EVI5: variants seen among roughly 807,000 people sequenced by gnomAD.
EVI5 encodes the protein ecotropic viral integration site 5, also known as ecotropic viral integration site 5 protein homolog.
In EVI5, 73 loss-of-function variants were observed where a neutral mutation model predicts 112.0. The observed-to-expected ratio is 0.65, with a 90% CI of 0.54 to 0.79. The LOEUF (loss-of-function observed/expected upper bound fraction) is 0.79, where lower values mean the gene tolerates loss of function less well. Among genes scored for constraint, EVI5 ranks in the 30% least tolerant of loss-of-function variants. The pLI, the probability that EVI5 is intolerant of heterozygous loss-of-function variation, is 0.00. For synonymous variants in EVI5, 305 were observed against 319.9 expected, an observed-to-expected ratio of 0.95 and a Z score of 0.50; for missense variants, 900 against 968.8, an observed-to-expected ratio of 0.93 and a Z score of 0.94.
At chr1:92,775,783 A>T (rs1164605913) in intron 1 of EVI5, among the ~76,000 whole-genome samples, 3 of 152,208 alleles carry the variant, frequency 2.0e-5, no homozygotes, top group Non-Finnish European at 4.4e-5. Flanking sequence ...GCAGTTGAGA[A>T]GCAGGCTTCT....
At chr1:92,751,097 C>T (rs1292208896) in intron 1 of EVI5, among the ~76,000 whole-genome samples, 2 of 152,144 alleles carry the variant, frequency 1.3e-5, no homozygotes, top group Non-Finnish European at 2.9e-5. Flanking sequence ...TGGCAATGAG[C>T]CAAGATCGCA....
At chr1:92,659,736 G>A (rs2102143839) in intron 13 of EVI5, among the ~76,000 whole-genome samples, 1 of 152,082 alleles carries the variant, frequency 6.6e-6, no homozygotes, top group South Asian at 2.1e-4. Flanking sequence ...TCCTACTACT[G>A]GGTATCTACC....
At chr1:92,552,122 GAAAAAA>G (rs143454054) in intron 19 of EVI5, among the ~76,000 whole-genome samples, 5 of 123,130 alleles carry the variant, frequency 4.1e-5, no homozygotes, top group Non-Finnish European at 8.3e-5. Context: ...GGGCTGTAGG[GAAAAAA>G]AAAAAAAAAA....
At chr1:92,676,524 G>A (rs1666772813) in intron 10 of EVI5, among the ~76,000 whole-genome samples, 1 of 152,080 alleles carries the variant, frequency 6.6e-6, no homozygotes, top group Non-Finnish European at 1.5e-5. Flanking sequence ...CAGCATAAAA[G>A]GCAACACAAT....
chr1:92,553,673 A>G (rs187929194), intron 19 of EVI5, among the ~76,000 whole-genome samples: 1 of 152,234 alleles, frequency 6.6e-6, no homozygotes, highest in African/African-American at 2.4e-5. Context: ...GGCTCATGCA[A>G]TCAGCCAACC....
intron 1 of EVI5, among the ~76,000 whole-genome samples, chr1:92,780,228 GT>G (rs1401575525): frequency 6.6e-6 from 1 of 152,216 alleles, no homozygotes; most frequent in Non-Finnish European, 1.5e-5. Context: ...ATGGTTGTAA[GT>G]TTCCTGATGC....
In EVI5 at chr1:92,778,170, G is replaced by C. The variant is rs997427771; in HGVS notation, c.-82+6666C>G. On this transcript the variant is annotated intron_variant, in intron 1 of 19. Transcript: ENST00000684568. ...GATCTGCCTGCCTCAGCCTCCCAAA[G>C]GGCTGGGATTACAGGGGTGAGCCAC... Among the ~76,000 whole-genome samples the C allele has an allele frequency of 2.0e-5, 3 of 152,164 alleles. No individual in the cohort carries two copies. The South Asian group carries it at 6.2e-4, about 32-fold the overall frequency.
At chr1:92,558,513 G>A (rs1300456176) in intron 19 of EVI5, among the ~76,000 whole-genome samples, 1 of 152,036 alleles carries the variant, frequency 6.6e-6, no homozygotes, top group East Asian at 1.9e-4. Context: ...AATGTTTTTT[G>A]TTATGAGATA....
chr1:92,583,039 CT>C (rs1163632214), intron 18 of EVI5, among the ~76,000 whole-genome samples: 2 of 152,046 alleles, frequency 1.3e-5, no homozygotes, highest in Non-Finnish European at 2.9e-5. Context: ...CTCACAAATG[CT>C]TTTTAATACA....
At chr1:92,635,860 A>G (rs377511456) in intron 14 of EVI5, among the ~76,000 whole-genome samples, 1 of 152,128 alleles carries the variant, frequency 6.6e-6, no homozygotes, top group Non-Finnish European at 1.5e-5. Flanking sequence ...TCCACATGAA[A>G]ATATTGCAAT....
chr1:92,623,885 C>T (rs761092211), intron 16 of EVI5, among the ~76,000 whole-genome samples: 1 of 152,196 alleles, frequency 6.6e-6, no homozygotes, highest in Non-Finnish European at 1.5e-5. Flanking sequence ...AAATTTTGCT[C>T]TGCATGGTGT....
intron 17 of EVI5, among the ~76,000 whole-genome samples, chr1:92,606,048 C>T (rs969500646): frequency 6.6e-6 from 1 of 152,018 alleles, no homozygotes; most frequent in Non-Finnish European, 1.5e-5. Flanking sequence ...AAAGGCATCA[C>T]GAAAGATTGA....
At chr1:92,596,931 T>C (rs1648042003) in intron 18 of EVI5, among the ~76,000 whole-genome samples, 1 of 152,196 alleles carries the variant, frequency 6.6e-6, no homozygotes, top group Non-Finnish European at 1.5e-5. Context: ...TTACATAAGG[T>C]CTACGAGCTG....
At chr1:92,694,483 T>A (rs993085954) in intron 7 of EVI5, 95 bp from the exon 8 acceptor site, 2 of 708,404 alleles carry the variant, frequency 2.8e-6, no homozygotes, top group African/African-American at 3.6e-5. Flanking sequence ...CATTTAGGGA[T>A]CTAAACTAGG....
At chr1:92,645,982 T>A (rs1055250352) in intron 13 of EVI5, among the ~76,000 whole-genome samples, 10 of 152,046 alleles carry the variant, frequency 6.6e-5, no homozygotes, top group African/African-American at 2.4e-4. Context: ...AATCTCCTAA[T>A]CCTCCCAGGC....
intron 19 of EVI5, among the ~76,000 whole-genome samples, chr1:92,547,979 C>A (rs1270458329): frequency 6.6e-6 from 1 of 152,176 alleles, no homozygotes; most frequent in African/African-American, 2.4e-5. Context: ...AAGAGGGAAT[C>A]CTCCCTAACT....
intron 1 of EVI5, among the ~76,000 whole-genome samples, chr1:92,782,841 A>G (rs572310759): frequency 6.6e-6 from 1 of 152,166 alleles, no homozygotes; most frequent in Non-Finnish European, 1.5e-5. Flanking sequence ...TTTTTTTGAA[A>G]GACGGTCTCA....
At chr1:92,708,638 T>G (rs1436174656) in intron 2 of EVI5, among the ~76,000 whole-genome samples, 2 of 151,958 alleles carry the variant, frequency 1.3e-5, no homozygotes, top group Non-Finnish European at 2.9e-5. Context: ...AAATGAAAAT[T>G]TATATCCATC....
At chr1:92,623,435 G>T (rs769570081) in intron 16 of EVI5, among the ~76,000 whole-genome samples, 2 of 152,178 alleles carry the variant, frequency 1.3e-5, no homozygotes, top group Non-Finnish European at 2.9e-5. Flanking sequence ...AACATTCACA[G>T]AGTATAAGAA....
Sources: gnomAD v4.1 joint callset for allele counts (sites outside exome capture counted in the v4.1 genomes callset) on GRCh38, gnomAD v4.1.1 for gene constraint, MANE v1.5 for transcripts, NCBI Gene and HGNC (gene_info 2026-07-23, HGNC 2026-07-21) for gene names.